The following GNG2 variants were observed in gnomAD, a reference collection of about 807,000 sequenced individuals.
GNG2 encodes G protein subunit gamma 2, also known as guanine nucleotide-binding protein G(I)/G(S)/G(O) subunit gamma-2.
GNG2 carries 5 observed loss-of-function variants against 5.5 expected under a neutral mutation model. The observed-to-expected ratio is 0.91, with a 90% CI of 0.48 to 1.92. The LOEUF is 1.92. Ranked by LOEUF, GNG2 falls within the 30% of genes most tolerant of loss-of-function variation. The pLI is 0.01. For missense variants in GNG2, 55 were observed against 88.4 expected (o/e 0.62, Z 1.52); for synonymous variants, 28 against 32.0 (o/e 0.88, Z 0.42).
At chr14:51,873,765 G>A (rs1033059415) in intron 1 of GNG2, 1 of 152,214 alleles carries the variant, frequency 6.6e-6, no homozygotes, top group Non-Finnish European at 1.5e-5. Flanking sequence ...ATTATTGCAG[G>A]TTTAAATGAT....
Position 51,966,721 on chromosome 14 carries a change from C to T in GNG2, c.*34C>T, listed in dbSNP as rs779634839. 8.7e-6 allele frequency: 14 copies of T among 1,601,170 alleles called. No homozygotes were observed. Among genetic ancestry groups the T allele is most frequent in the Non-Finnish European group, 1.2e-5 (14 of 1,168,738 alleles). On this transcript the variant is annotated 3_prime_UTR_variant, in exon 4 of 4. Coordinates refer to ENST00000556766, the MANE Select transcript of GNG2 (RefSeq NM_053064.5). ...GAGGGGCCTGAAGAGCCTCCGGGCT[C>T]CTGGGACATTGATGTAGAGTTTTTA...
intron 2 of GNG2, among the ~76,000 whole-genome samples, chr14:51,830,121 G>T (rs542006256): frequency 6.6e-6 from 1 of 152,178 alleles, no homozygotes; most frequent in Non-Finnish European, 1.5e-5. Context: ...GATAACAGGC[G>T]TGGGCCACCA....
rs149904642 is a variant in GNG2 at position 51,932,683 on chromosome 14, C to T, written c.-29-17967C>T. 9.7e-4 allele frequency among the ~76,000 whole-genome samples: 147 copies of T among 152,132 alleles called. 1 individual carries two copies. The highest frequency in any genetic ancestry group is 3.3e-3 in the African/African-American group (136 of 41,504). On this transcript the variant is annotated intron_variant, in intron 2 of 3. Coordinates refer to ENST00000556766, the MANE Select transcript of GNG2 (RefSeq NM_053064.5). The stretch of plus-strand genomic sequence containing the variant: ...TGGTAAAATAAGAAAGAGCAGATCA[C>T]CGAAGTCAAGTGAAGAAATTGTTTA...
intron 2 of GNG2, among the ~76,000 whole-genome samples, chr14:51,912,731 A>G (rs1301725239): frequency 1.3e-5 from 2 of 151,896 alleles, no homozygotes; most frequent in Non-Finnish European, 2.9e-5. Context: ...TGATTCTAAT[A>G]TGAGGCCAAA....
At chr14:51,907,695 T>C (rs1312471025) in intron 2 of GNG2, among the ~76,000 whole-genome samples, 1 of 152,212 alleles carries the variant, frequency 6.6e-6, no homozygotes, top group Non-Finnish European at 1.5e-5. Context: ...AACCAAAGGA[T>C]TTTCATTTGA....
chr14:51,833,757 A>G (rs1326855712), intron 2 of GNG2, among the ~76,000 whole-genome samples: 1 of 152,216 alleles, frequency 6.6e-6, no homozygotes, highest in Non-Finnish European at 1.5e-5. Flanking sequence ...TCTATAGACT[A>G]TCACTCACCT....
At chr14:51,862,984 C>CTTTT (rs10699121) in intron 1 of GNG2, among the ~76,000 whole-genome samples, 27 of 143,024 alleles carry the variant, frequency 1.9e-4, no homozygotes, top group African/African-American at 3.1e-4. Context: ...TTTAATTGTG[C>CTTTT]TTTTTTTTTT....
chr14:51,883,748 AG>A (rs1277255904), intron 2 of GNG2, among the ~76,000 whole-genome samples: 1 of 152,200 alleles, frequency 6.6e-6, no homozygotes, highest in Non-Finnish European at 1.5e-5. Flanking sequence ...TTGATCAATA[AG>A]CACAAACTTA....
At chr14:51,943,517 C>T (rs1175750523) in intron 2 of GNG2, among the ~76,000 whole-genome samples, 1 of 152,120 alleles carries the variant, frequency 6.6e-6, no homozygotes, top group Non-Finnish European at 1.5e-5. Flanking sequence ...TTTATTGACC[C>T]CATTATGTTC....
At chr14:51,938,456 A>G (rs1888135360) in intron 2 of GNG2, among the ~76,000 whole-genome samples, 1 of 152,222 alleles carries the variant, frequency 6.6e-6, no homozygotes, top group South Asian at 2.1e-4. Flanking sequence ...ATAATTAACA[A>G]TGTGCTGTCA....
intron 2 of GNG2, among the ~76,000 whole-genome samples, chr14:51,907,592 G>A (rs936721451): frequency 6.6e-6 from 1 of 152,204 alleles, no homozygotes; most frequent in Non-Finnish European, 1.5e-5. Flanking sequence ...CATTGTCAGG[G>A]TGTTCTTCTG....
chr14:51,902,842 T>G (rs1398788187), intron 2 of GNG2, among the ~76,000 whole-genome samples: 1 of 152,148 alleles, frequency 6.6e-6, no homozygotes, highest in African/African-American at 2.4e-5. Flanking sequence ...GAGCCATGAT[T>G]GCACCACTGT....
intron 2 of GNG2, 55 bp from the exon 3 acceptor site, chr14:51,950,595 C>G: frequency 9.0e-7 from 1 of 1,110,204 alleles, no homozygotes; most frequent in Non-Finnish European, 1.3e-6. Context: ...TGAACTTGCA[C>G]ATTTGCTGGC....
chr14:51,884,872 G>A (rs1884340558), intron 2 of GNG2, among the ~76,000 whole-genome samples: 2 of 152,152 alleles, frequency 1.3e-5, no homozygotes, highest in South Asian at 4.1e-4. Context: ...TCAGAGGGTG[G>A]GCCTGCCATC....
At chr14:51,897,760 A>G in intron 2 of GNG2, among the ~76,000 whole-genome samples, 1 of 152,224 alleles carries the variant, frequency 6.6e-6, no homozygotes, top group East Asian at 1.9e-4. Flanking sequence ...GGCCAAGTAG[A>G]CAGACTGTCA....
At chr14:51,897,240 C>G (rs940730877) in intron 2 of GNG2, among the ~76,000 whole-genome samples, 1 of 152,124 alleles carries the variant, frequency 6.6e-6, no homozygotes, top group African/African-American at 2.4e-5. Flanking sequence ...TTGGACAGTC[C>G]AGGTCAATCT....
intron 2 of GNG2, among the ~76,000 whole-genome samples, chr14:51,831,584 A>G (rs1480213946): frequency 6.6e-6 from 1 of 152,252 alleles, no homozygotes; most frequent in African/African-American, 2.4e-5. Context: ...TGTTTGAGCA[A>G]CCAATTCTGA....
chr14:51,929,422 G>A (rs1478013451), intron 2 of GNG2, among the ~76,000 whole-genome samples: 1 of 152,182 alleles, frequency 6.6e-6, no homozygotes, highest in African/African-American at 2.4e-5. Context: ...GAGGCACTAA[G>A]CAGCCTTTCA....
At chr14:51,960,804 G>A (rs146495280) in intron 3 of GNG2, among the ~76,000 whole-genome samples, 303 of 152,280 alleles carry the variant, frequency 2.0e-3, no homozygotes, top group African/African-American at 6.8e-3. Context: ...TCTACTCAAT[G>A]TCTTGTGTGC....
Sources: allele counts gnomAD v4.1 joint callset (sites outside exome capture counted in the v4.1 genomes callset), GRCh38; gene constraint gnomAD v4.1.1; transcripts MANE v1.5; gene names NCBI Gene and HGNC (gene_info 2026-07-23, HGNC 2026-07-21).